SLC25A13: variants seen among roughly 807,000 people sequenced by gnomAD.
SLC25A13 encodes the protein electrogenic aspartate/glutamate antiporter SLC25A13, mitochondrial.
A neutral mutation model predicts 85.5 loss-of-function variants in SLC25A13; 70 were observed. The ratio of observed to expected loss-of-function variants is 0.82; its 90% CI spans 0.68 to 1.00. SLC25A13 has a LOEUF of 1.00. SLC25A13 is among the 50% of genes least tolerant of loss of function. The probability of loss-of-function intolerance (pLI) is 0.00; values close to 1 mark genes in which losing one functional copy is unlikely to be tolerated. For synonymous variants in SLC25A13, 259 were observed against 288.7 expected (o/e 0.90, Z 1.04); for missense variants, 765 against 819.8 (o/e 0.93, Z 0.82).
rs1798369557 is a variant in SLC25A13 at position 96,274,519 on chromosome 7, C to T, written c.212+2677G>A. ...CAGAGGCTCTTTAGTTTGATTAGAT[C>T]CCATTTGTCAATTTTGGCTTTTGTT... is the stretch of plus-strand genomic sequence containing the variant. On this transcript the variant is annotated intron_variant, in intron 3 of 17. Coordinates refer to ENST00000265631, the MANE Select transcript of SLC25A13 (RefSeq NM_014251.3). Among the ~76,000 whole-genome samples, 3 of 152,258 alleles carry T rather than the reference C, an allele frequency of 2.0e-5. No individual in the cohort carries two copies. In the South Asian group the frequency reaches 6.2e-4, roughly 32 times the overall value.
intron 4 of SLC25A13, 113 bp downstream of exon 4, chr7:96,234,689 C>T: frequency 1.3e-6 from 1 of 771,326 alleles, no homozygotes; most frequent in Non-Finnish European, 2.2e-6. Flanking sequence ...AAGGGATATA[C>T]TATCTTCTAT....
intron 11 of SLC25A13, among the ~76,000 whole-genome samples, chr7:96,179,801 T>C (rs1794351365): frequency 6.6e-6 from 1 of 152,258 alleles, no homozygotes; most frequent in Non-Finnish European, 1.5e-5. Context: ...AAGATGCATG[T>C]GTTCTTAAGT....
intron 1 of SLC25A13, among the ~76,000 whole-genome samples, chr7:96,298,733 A>G (rs79466415): frequency 0.014 from 2,062 of 152,284 alleles, 43 homozygotes; most frequent in African/African-American, 0.047. Context: ...GTGCCCAGCC[A>G]TGAATTTTTA....
At chr7:96,156,993 T>C (rs1272311740) in intron 13 of SLC25A13, among the ~76,000 whole-genome samples, 1 of 152,246 alleles carries the variant, frequency 6.6e-6, no homozygotes, top group African/African-American at 2.4e-5. Context: ...GCTTCACCTA[T>C]CTACCAATAC....
At chr7:96,207,069 G>A (rs1446509572) in intron 5 of SLC25A13, among the ~76,000 whole-genome samples, 5 of 152,048 alleles carry the variant, frequency 3.3e-5, no homozygotes, top group South Asian at 2.1e-4. Flanking sequence ...GCAAAAATCC[G>A]GCAACTCACA....
chr7:96,241,907 C>G (rs991056177), intron 3 of SLC25A13, among the ~76,000 whole-genome samples: 1 of 152,194 alleles, frequency 6.6e-6, no homozygotes, highest in African/African-American at 2.4e-5. Flanking sequence ...TATTCTCACT[C>G]AGCAGAGGCT....
intron 4 of SLC25A13, among the ~76,000 whole-genome samples, chr7:96,216,294 T>C (rs1206890590): frequency 6.6e-6 from 1 of 152,156 alleles, no homozygotes; most frequent in Non-Finnish European, 1.5e-5. Flanking sequence ...TTATGTACTG[T>C]TGGTGGGAGT....
At chr7:96,318,950 T>C (rs1432536306) in intron 1 of SLC25A13, among the ~76,000 whole-genome samples, 1 of 152,144 alleles carries the variant, frequency 6.6e-6, no homozygotes, top group Admixed American at 6.5e-5. Context: ...CCTACCCCTA[T>C]GGCTCTGTGT....
intron 15 of SLC25A13, among the ~76,000 whole-genome samples, chr7:96,125,857 GTTC>G (rs34041341): frequency 0.39 from 58,202 of 150,876 alleles, 11,363 homozygotes; most frequent in East Asian, 0.6. Flanking sequence ...AATTATGGCA[GTTC>G]TTCTATTACT....
chr7:96,214,466 G>A (rs888375747), intron 4 of SLC25A13, among the ~76,000 whole-genome samples: 1 of 152,190 alleles, frequency 6.6e-6, no homozygotes, highest in African/African-American at 2.4e-5. Context: ...AGTGGCCCAC[G>A]CCTGTAATCC....
chr7:96,146,787 A>AT, intron 13 of SLC25A13, 91 bp from the exon 14 acceptor site: 1 of 1,420,120 alleles, frequency 7.0e-7, no homozygotes, highest in Non-Finnish European at 9.9e-7. Flanking sequence ...GGATAAAAAT[A>AT]TTCTATCCTC....
intron 4 of SLC25A13, among the ~76,000 whole-genome samples, chr7:96,234,301 CG>C (rs1176324153): frequency 6.6e-6 from 1 of 152,216 alleles, no homozygotes; most frequent in Middle Eastern, 3.4e-3. Flanking sequence ...GCAGTCAGGT[CG>C]GGGGAGCGGG....
Position 96,140,497 on chromosome 7 carries a change from C to T in SLC25A13, c.1452+6059G>A, listed in dbSNP as rs527395500. Among the ~76,000 whole-genome samples, 189 of 148,966 alleles carry T rather than the reference C, an allele frequency of 1.3e-3. 1 individual carries two copies. The highest frequency in any genetic ancestry group is 4.6e-3 in the African/African-American group (183 of 40,158). On this transcript the variant is annotated intron_variant, in intron 14 of 17. Coordinates refer to ENST00000265631, the MANE Select transcript of SLC25A13 (RefSeq NM_014251.3). ...TCAGCTCACTGCAACCTCCACCTCCCGGGTTCAAGTGATTCTCCTGCCTCA... is the reference window on the plus strand; with the variant it reads ...TCAGCTCACTGCAACCTCCACCTCCTGGGTTCAAGTGATTCTCCTGCCTCA...
At chr7:96,200,126 C>T (rs1389385039) in intron 5 of SLC25A13, among the ~76,000 whole-genome samples, 2 of 152,002 alleles carry the variant, frequency 1.3e-5, no homozygotes, top group African/African-American at 2.4e-5. Context: ...GGTTAATTTG[C>T]ATTTTTGTGT....
chr7:96,230,903 G>A (rs1280938984), intron 4 of SLC25A13, among the ~76,000 whole-genome samples: 1 of 152,198 alleles, frequency 6.6e-6, no homozygotes, highest in Admixed American at 6.5e-5. Flanking sequence ...GAGGTCAAGA[G>A]TTCGAGACCA....
intron 3 of SLC25A13, among the ~76,000 whole-genome samples, chr7:96,268,365 AAAT>A (rs747637724): frequency 2.0e-5 from 3 of 152,234 alleles, no homozygotes; most frequent in Non-Finnish European, 2.9e-5. Context: ...TTGAATGAAA[AAAT>A]AATAATCACA....
At chr7:96,234,031 C>T (rs1796652456) in intron 4 of SLC25A13, among the ~76,000 whole-genome samples, 1 of 152,212 alleles carries the variant, frequency 6.6e-6, no homozygotes, top group African/African-American at 2.4e-5. Flanking sequence ...AGCAATGCTA[C>T]TGCAGATTTG....
At chr7:96,266,973 C>T (rs774150202) in intron 3 of SLC25A13, among the ~76,000 whole-genome samples, 1 of 152,128 alleles carries the variant, frequency 6.6e-6, no homozygotes, top group Non-Finnish European at 1.5e-5. Context: ...TCTTTTTAAT[C>T]GAAGAGATGC....
At position 96,187,518 on chromosome 7, in the gene SLC25A13, G is replaced by A. The variant is rs140602734; in HGVS notation, c.933+1776C>T. The stretch of plus-strand genomic sequence containing the variant: ...TTCATTTTGACAGATGCATCCAAAA[G>A]AGAAGCAATATTTTATTTACAGGGA... On this transcript the variant is annotated intron_variant, in intron 9 of 17. Coordinates refer to ENST00000265631, the MANE Select transcript of SLC25A13 (RefSeq NM_014251.3). Among the ~76,000 whole-genome samples, 415 of 152,208 alleles carry A rather than the reference G, an allele frequency of 2.7e-3. 5 individuals are homozygous for A. Among genetic ancestry groups the A allele is most frequent in the Non-Finnish European group, 4.2e-3 (285 of 68,020 alleles).
Sources: allele counts gnomAD v4.1 joint callset (sites outside exome capture counted in the v4.1 genomes callset), GRCh38; gene constraint gnomAD v4.1.1; transcripts MANE v1.5; gene names NCBI Gene and HGNC (gene_info 2026-07-23, HGNC 2026-07-21).